Variants in GRK4 observed in about 807,000 individuals in gnomAD.
The protein encoded by GRK4 is G protein-coupled receptor kinase 2-like.
A neutral mutation model predicts 77.9 loss-of-function variants in GRK4; 73 were observed. The observed-to-expected ratio is 0.94, with a 90% CI of 0.78 to 1.14. The LOEUF (loss-of-function observed/expected upper bound fraction) is 1.14, where lower values mean the gene tolerates loss of function less well. Among genes scored for constraint, GRK4 ranks in the 50% most tolerant of loss-of-function variants. GRK4 has a pLI of 0.00. For synonymous variants in GRK4, 257 were observed against 254.4 expected (o/e 1.01, Z -0.10); for missense variants, 729 against 700.2 (o/e 1.04, Z -0.46).
In GRK4 at chr4:2,963,899, G is replaced by A; in HGVS notation, c.-172G>A. On this transcript the variant is annotated 5_prime_UTR_variant, in exon 1 of 16. Coordinates refer to ENST00000398052, the MANE Select transcript of GRK4 (RefSeq NM_182982.3). Reference sequence around the variant, plus strand: ...AGGGCCTGCGGAGGCGGCGGCGGCGGCGCCCTTGGTGGCAGTGGTGGCGGC... The same window carrying A: ...AGGGCCTGCGGAGGCGGCGGCGGCGACGCCCTTGGTGGCAGTGGTGGCGGC... 3.0e-6 allele frequency: 2 copies of A among 673,834 alleles called. No individual in the cohort carries two copies. Among genetic ancestry groups the A allele is most frequent in the Non-Finnish European group, 5.2e-6 (2 of 385,922 alleles). 41.7% of individuals were successfully genotyped at this position (673,834 alleles called of 1,614,324 possible).
At chr4:3,038,568 TACTG>T (rs904763272) in intron 15 of GRK4, 55 bp downstream of exon 15, 37 of 1,294,566 alleles carry the variant, frequency 2.9e-5, no homozygotes, top group Non-Finnish European at 3.7e-5. Context: ...AAAAAAAACA[TACTG>T]ACTGCCAAGG....
intron 5 of GRK4, among the ~76,000 whole-genome samples, chr4:3,005,497 C>T (rs564664014): frequency 1.3e-5 from 2 of 152,186 alleles, no homozygotes; most frequent in East Asian, 1.9e-4. Flanking sequence ...TTTAATGATG[C>T]GGCTGCCTCT....
rs144374548 is a variant in GRK4, at chr4:2,979,403, CAAA to C, written c.53-5089_53-5087del. Among the ~76,000 whole-genome samples the C allele has an allele frequency of 9.2e-3, 546 of 59,168 alleles. 1 individual carries two copies. The highest frequency in any genetic ancestry group is 0.014 in the Non-Finnish European group (453 of 32,392). 38.8% of individuals were successfully genotyped at this position (59,168 alleles called of 152,430 possible). A position where few individuals can be genotyped will look rare whatever the true frequency, so the allele number is the denominator to read the frequency against. On this transcript the variant is annotated intron_variant, in intron 1 of 15. Transcript: ENST00000398052. ...TGAGTGACAGAGGGAGACTCTGTCT[CAAA>C]AAAAAAAAAAAAAAAAAAAAGAGTG...
chr4:3,000,327 A>G, intron 4 of GRK4, among the ~76,000 whole-genome samples: 1 of 152,208 alleles, frequency 6.6e-6, no homozygotes, highest in Admixed American at 6.5e-5. Flanking sequence ...TGATATAGAA[A>G]ATGGGAACAC....
At chr4:3,037,057 G>C (rs959084343) in intron 13 of GRK4, among the ~76,000 whole-genome samples, 2 of 100,304 alleles carry the variant, frequency 2.0e-5, no homozygotes, top group Non-Finnish European at 1.9e-5. Context: ...GTGTGTGTGT[G>C]TGTGTGTGTG....
intron 1 of GRK4, chr4:2,965,433 AC>A (rs1477616633): frequency 5.7e-6 from 4 of 703,086 alleles, no homozygotes; most frequent in Non-Finnish European, 7.8e-6. Flanking sequence ...CGTCACTCTT[AC>A]GGAATTGCTG....
In GRK4 at chr4:3,026,664, C is replaced by G. The variant is rs561297030; in HGVS notation, c.971-1248C>G. On this transcript the variant is annotated intron_variant, in intron 10 of 15. Transcript: ENST00000398052. The stretch of plus-strand genomic sequence containing the variant: ...ATGATAGTACATGGCAGAGCCAGGA[C>G]TCAGACCCACGCCATCGGGCTGGGT... Among the ~76,000 whole-genome samples, 220 of 152,364 alleles carry G rather than the reference C, an allele frequency of 1.4e-3. 1 individual carries two copies. Among genetic ancestry groups the G allele is most frequent in the Middle Eastern group, 0.01 (3 of 294 alleles).
Position 3,037,530 on chromosome 4 carries a change from A to C in GRK4, c.1545+19A>C, listed in dbSNP as rs1360982885. 1 of 1,589,574 alleles carries C rather than the reference A, an allele frequency of 6.3e-7. No individual in the cohort carries two copies. Among genetic ancestry groups the C allele is most frequent in the South Asian group, 1.1e-5 (1 of 90,214 alleles). On this transcript the variant is annotated intron_variant, in intron 14 of 15. Transcript: ENST00000398052. The stretch of plus-strand genomic sequence containing the variant: ...GAATGAGGTACTGCCCTTCCAGCAC[A>C]GCCGCTTTACGTTAGTTCCAACAGT...
At chr4:3,014,280 T>TTCTC (rs1292010975) in intron 8 of GRK4, among the ~76,000 whole-genome samples, 51 of 145,488 alleles carry the variant, frequency 3.5e-4, no homozygotes, top group African/African-American at 1.2e-3. Context: ...TGAGGATACC[T>TTCTC]TCTCTCTCTC....
intron 3 of GRK4, among the ~76,000 whole-genome samples, chr4:2,989,417 AT>A (rs1330716805): frequency 1.3e-5 from 2 of 151,922 alleles, no homozygotes; most frequent in African/African-American, 4.8e-5. Context: ...TGCTTTTTTT[AT>A]TTTTTATTTT....
chr4:3,037,012 T>C (rs955315817), intron 13 of GRK4, among the ~76,000 whole-genome samples: 5 of 151,026 alleles, frequency 3.3e-5, no homozygotes. Context: ...CATTTTGCAC[T>C]ACGGAAAGGA....
chr4:2,967,175 T>G (rs1225968450), intron 1 of GRK4, among the ~76,000 whole-genome samples: 4 of 152,266 alleles, frequency 2.6e-5, no homozygotes, highest in Non-Finnish European at 4.4e-5. Flanking sequence ...CTTGGACTTT[T>G]TAGCTTCCAG....
chr4:2,985,209 G>A (rs1317840723), intron 2 of GRK4, among the ~76,000 whole-genome samples: 1 of 151,692 alleles, frequency 6.6e-6, no homozygotes, highest in Admixed American at 6.6e-5. Flanking sequence ...TCAGGAGATC[G>A]AGACCACGGT....
intron 12 of GRK4, among the ~76,000 whole-genome samples, chr4:3,031,351 G>T (rs1193728892): frequency 6.6e-6 from 1 of 152,216 alleles, no homozygotes; most frequent in African/African-American, 2.4e-5. Flanking sequence ...AGGCTTGAAG[G>T]CTTGGAAAGC....
intron 4 of GRK4, 35 bp from the exon 5 acceptor site, chr4:3,004,196 C>T (rs1230679087): frequency 1.5e-6 from 2 of 1,370,328 alleles, no homozygotes; most frequent in South Asian, 2.3e-5. Context: ...TATGAAATCA[C>T]TAATGGTTAT....
intron 4 of GRK4, among the ~76,000 whole-genome samples, chr4:3,001,089 A>ATATATATATATATATATGTGTGTGTGTG: frequency 9.7e-5 from 8 of 82,430 alleles, no homozygotes; most frequent in Admixed American, 2.1e-4. Flanking sequence ...ATATATATAT[A>ATATATATATATATATATGTGTGTGTGTG]TGTGTGTGTG....
At chr4:2,990,246 CTTTTTTTTTT>C (rs71644371) in intron 3 of GRK4, among the ~76,000 whole-genome samples, 61 of 70,756 alleles carry the variant, frequency 8.6e-4, no homozygotes, top group African/African-American at 2.6e-3. Context: ...TCTTCTTCTT[CTTTTTTTTTT>C]TTTTTTTTTT....
intron 5 of GRK4, among the ~76,000 whole-genome samples, chr4:3,005,703 C>T (rs981511136): frequency 2.6e-5 from 4 of 152,020 alleles, no homozygotes; most frequent in South Asian, 2.1e-4. Flanking sequence ...ACTCAGGAGG[C>T]TGAGGCATGA....
chr4:2,984,120 T>C (rs1723585223), intron 1 of GRK4, among the ~76,000 whole-genome samples: 1 of 152,162 alleles, frequency 6.6e-6, no homozygotes. Context: ...TCACTTAGAA[T>C]GCGAGGGAGG....
Sources: gnomAD v4.1 joint callset for allele counts (sites outside exome capture counted in the v4.1 genomes callset) on GRCh38, gnomAD v4.1.1 for gene constraint, MANE v1.5 for transcripts, NCBI Gene and HGNC (gene_info 2026-07-23, HGNC 2026-07-21) for gene names.